Variants in ROBO2 observed in about 807,000 individuals in gnomAD.
ROBO2 encodes the protein roundabout guidance receptor 2, also known as roundabout homolog 2.
In ROBO2, 53 loss-of-function variants were observed where a neutral mutation model predicts 160.8. That is an observed-to-expected ratio of 0.33 (90% confidence interval 0.26 to 0.41). The LOEUF is 0.41. Ranked by LOEUF, ROBO2 falls within the 10% of genes least tolerant of loss-of-function variation. The pLI is 1.00. For missense variants in ROBO2, 1,577 were observed against 1,722.4 expected, an observed-to-expected ratio of 0.92 and a Z score of 1.49; for synonymous variants, 664 against 611.7, an observed-to-expected ratio of 1.09 and a Z score of -1.26.
At chr3:76,255,829 G>C (rs1009725945) in intron 2 of ROBO2, among the ~76,000 whole-genome samples, 4 of 151,296 alleles carry the variant, frequency 2.6e-5, no homozygotes, top group African/African-American at 9.7e-5. Flanking sequence ...ACTTTCCCAC[G>C]TTATTTAGGT....
chr3:77,556,274 A>G (rs2093117342), intron 8 of ROBO2, among the ~76,000 whole-genome samples: 1 of 151,936 alleles, frequency 6.6e-6, no homozygotes. Flanking sequence ...AATTATTACA[A>G]TATTCTACTT....
chr3:76,167,679 CTCCT>C (rs2072888539), intron 2 of ROBO2, among the ~76,000 whole-genome samples: 1 of 152,156 alleles, frequency 6.6e-6, no homozygotes, highest in South Asian at 2.1e-4. Flanking sequence ...CAGCATTCTT[CTCCT>C]TTTATTATAG....
chr3:76,227,080 T>A (rs887141806), intron 2 of ROBO2, among the ~76,000 whole-genome samples: 2 of 152,230 alleles, frequency 1.3e-5, no homozygotes, highest in African/African-American at 4.8e-5. Context: ...TTTTGCCGAC[T>A]GGCTCACTAC....
At chr3:76,080,347 A>G (rs1378554824) in intron 2 of ROBO2, among the ~76,000 whole-genome samples, 1 of 152,214 alleles carries the variant, frequency 6.6e-6, no homozygotes, top group African/African-American at 2.4e-5. Context: ...ATTCAGTCCT[A>G]AAGTGAAATG....
At chr3:76,821,304 A>AT (rs2066101433) in intron 2 of ROBO2, among the ~76,000 whole-genome samples, 1 of 151,964 alleles carries the variant, frequency 6.6e-6, no homozygotes, top group East Asian at 1.9e-4. Context: ...AAGCCCATGG[A>AT]TTTTATATTT....
intron 2 of ROBO2, among the ~76,000 whole-genome samples, chr3:77,374,272 T>G (rs971169201): frequency 5.3e-5 from 8 of 151,744 alleles, no homozygotes; most frequent in South Asian, 2.1e-4. Context: ...CAGTCTTAGT[T>G]TTTTTGGTGT....
At chr3:76,627,856 G>T (rs2089759883) in intron 2 of ROBO2, among the ~76,000 whole-genome samples, 1 of 152,016 alleles carries the variant, frequency 6.6e-6, no homozygotes, top group East Asian at 1.9e-4. Context: ...ATGCTTGTGT[G>T]TTTTAAGGGA....
intron 2 of ROBO2, among the ~76,000 whole-genome samples, chr3:77,467,642 CTATT>C (rs2082920401): frequency 6.7e-6 from 1 of 149,044 alleles, no homozygotes; most frequent in Non-Finnish European, 1.5e-5. Flanking sequence ...ATCTATCTAT[CTATT>C]TATATATCTA....
At chr3:76,962,039 C>G (rs557817330) in intron 2 of ROBO2, among the ~76,000 whole-genome samples, 11 of 152,100 alleles carry the variant, frequency 7.2e-5, no homozygotes, top group Middle Eastern at 3.4e-3. Flanking sequence ...ACTCTACAAA[C>G]AATTTTAAAA....
intron 2 of ROBO2, among the ~76,000 whole-genome samples, chr3:76,935,778 A>G (rs945989711): frequency 9.8e-5 from 15 of 152,314 alleles, no homozygotes; most frequent in Admixed American, 3.9e-4. Context: ...TTCAGGGATC[A>G]TAGGTGACCA....
intron 2 of ROBO2, among the ~76,000 whole-genome samples, chr3:77,366,045 A>G (rs755499653): frequency 6.6e-6 from 1 of 152,226 alleles, no homozygotes; most frequent in South Asian, 2.1e-4. Context: ...CCTAATGATT[A>G]TATTCTCCTA....
chr3:76,936,234 A>G (rs1394979869), intron 2 of ROBO2, among the ~76,000 whole-genome samples: 22 of 152,134 alleles, frequency 1.4e-4, no homozygotes, highest in Admixed American at 1.0e-3. Flanking sequence ...ATTTGCCAGG[A>G]CAGAGATCAA....
At chr3:76,567,662 CAT>C (rs1486241458) in intron 2 of ROBO2, among the ~76,000 whole-genome samples, 1 of 66,748 alleles carries the variant, frequency 1.5e-5, no homozygotes, top group Non-Finnish European at 3.7e-5. Context: ...TACACATACA[CAT>C]ATATATACAT....
At chr3:76,947,451 G>T (rs2078628854) in intron 2 of ROBO2, among the ~76,000 whole-genome samples, 1 of 151,970 alleles carries the variant, frequency 6.6e-6, no homozygotes, top group Non-Finnish European at 1.5e-5. Flanking sequence ...AAATATAAAT[G>T]TTTCAGTACA....
intron 2 of ROBO2, among the ~76,000 whole-genome samples, chr3:76,627,101 A>G (rs1453255601): frequency 6.6e-6 from 1 of 152,224 alleles, no homozygotes; most frequent in East Asian, 1.9e-4. Context: ...ACAGTTACCC[A>G]TTATATCAGT....
Position 76,203,790 on chromosome 3 carries a change from T to C in ROBO2, c.109+266188T>C, listed in dbSNP as rs953224074. ...GGCTAGCGGCTTCCCGGTCAACAGA[T>C]CACAGGTCAGGGTTCTAGTAATCTG... On this transcript the variant is annotated intron_variant, in intron 2 of 26. Coordinates refer to the ROBO2 transcript ENST00000487694. Among the ~76,000 whole-genome samples, 3 of 152,202 alleles carry C rather than the reference T, an allele frequency of 2.0e-5. No homozygotes were observed. The East Asian group carries it at 5.8e-4, about 29-fold the overall frequency.
chr3:77,543,325 G>A (rs2092560877), intron 6 of ROBO2, among the ~76,000 whole-genome samples: 1 of 152,052 alleles, frequency 6.6e-6, no homozygotes, highest in Non-Finnish European at 1.5e-5. Context: ...AATTTTATTT[G>A]GCTTCCCATC....
At chr3:76,685,194 T>G (rs1198072841) in intron 2 of ROBO2, among the ~76,000 whole-genome samples, 55 of 50,120 alleles carry the variant, frequency 1.1e-3, no homozygotes, top group East Asian at 3.5e-3. Context: ...TTGGTTGTGT[T>G]TTTTTTTTTT....
intron 2 of ROBO2, among the ~76,000 whole-genome samples, chr3:77,433,980 C>T (rs1329016660): frequency 1.3e-5 from 2 of 152,228 alleles, no homozygotes; most frequent in East Asian, 3.9e-4. Context: ...AGCCGCATTT[C>T]TCCCTCGGAG....
Sources: allele counts gnomAD v4.1 joint callset (sites outside exome capture counted in the v4.1 genomes callset), GRCh38; gene constraint gnomAD v4.1.1; transcripts MANE v1.5; gene names NCBI Gene and HGNC (gene_info 2026-07-23, HGNC 2026-07-21).